The following FGF10 variants were observed in gnomAD, a reference collection of about 807,000 sequenced individuals.
FGF10 encodes the protein fibroblast growth factor 10, also known as FGF-10.
FGF10 carries 2 observed loss-of-function variants against 19.8 expected under a neutral mutation model. That is an observed-to-expected ratio of 0.10 (90% CI 0.04 to 0.32). The LOEUF is 0.32. Among genes scored for constraint, FGF10 ranks in the 10% least tolerant of loss-of-function variants. The probability of loss-of-function intolerance (pLI) is 1.00; values close to 1 mark genes in which losing one functional copy is unlikely to be tolerated. For synonymous variants in FGF10, 112 were observed against 94.0 expected (o/e 1.19, Z -1.10); for missense variants, 191 against 246.3 (o/e 0.78, Z 1.50).
chr5:44,327,079 C>T (rs1740631577), intron 1 of FGF10, among the ~76,000 whole-genome samples: 2 of 152,156 alleles, frequency 1.3e-5, no homozygotes, highest in South Asian at 4.1e-4. Context: ...CCACCCACTG[C>T]CCCAAGTTTT....
At chr5:44,383,475 T>C (rs539655028) in intron 1 of FGF10, among the ~76,000 whole-genome samples, 2 of 152,074 alleles carry the variant, frequency 1.3e-5, no homozygotes, top group Non-Finnish European at 2.9e-5. Flanking sequence ...CTTTAGGTAA[T>C]AGGTTACTGA....
Position 44,304,680 on chromosome 5 carries a change from T to A in FGF10, c.*315A>T, listed in dbSNP as rs970032104. The stretch of plus-strand genomic sequence containing the variant: ...AACAGATTGTTCTATGTCCTTTAAG[T>A]TCTATCTCAGAGGTTTAAAAACAAA... On this transcript the variant is annotated 3_prime_UTR_variant, in exon 3 of 3. Coordinates refer to ENST00000264664, the MANE Select transcript of FGF10 (RefSeq NM_004465.2). The A allele has an allele frequency of 5.8e-6, 2 of 347,650 alleles. No homozygotes were observed. Among genetic ancestry groups the A allele is most frequent in the Non-Finnish European group, 1.1e-5 (2 of 183,770 alleles). The allele number at this position is 347,650 out of a possible 1,614,324, so 21.5% of individuals were successfully genotyped here.
At chr5:44,382,066 G>C (rs555427635) in intron 1 of FGF10, among the ~76,000 whole-genome samples, 1 of 152,302 alleles carries the variant, frequency 6.6e-6, no homozygotes, top group South Asian at 2.1e-4. Flanking sequence ...AAGGTGGACA[G>C]GTTTAGGTTG....
chr5:44,356,655 A>T (rs1579929400), intron 1 of FGF10, among the ~76,000 whole-genome samples: 1 of 151,616 alleles, frequency 6.6e-6, no homozygotes, highest in Middle Eastern at 3.4e-3. Flanking sequence ...TTTATTCAAT[A>T]TAAGAATATT....
intron 1 of FGF10, among the ~76,000 whole-genome samples, chr5:44,325,524 G>T (rs1325786619): frequency 6.6e-6 from 1 of 152,054 alleles, no homozygotes; most frequent in Non-Finnish European, 1.5e-5. Context: ...AAAAAATGTG[G>T]CACATATACA....
chr5:44,313,974 T>C (rs1481284040), intron 1 of FGF10, among the ~76,000 whole-genome samples: 6 of 152,094 alleles, frequency 3.9e-5, no homozygotes, highest in African/African-American at 1.4e-4. Flanking sequence ...ACATGTTACA[T>C]GGCAGTAAGT....
At chr5:44,327,305 G>A (rs1265462448) in intron 1 of FGF10, among the ~76,000 whole-genome samples, 1 of 152,160 alleles carries the variant, frequency 6.6e-6, no homozygotes, top group Non-Finnish European at 1.5e-5. Flanking sequence ...GCTATAGGAA[G>A]AGAACTAATA....
chr5:44,316,115 G>A (rs1022504317), intron 1 of FGF10, among the ~76,000 whole-genome samples: 14 of 152,038 alleles, frequency 9.2e-5, no homozygotes, highest in Non-Finnish European at 1.8e-4. Context: ...ACAGGAGTGC[G>A]AACCCTACTG....
chr5:44,372,140 A>C (rs1211287695), intron 1 of FGF10, among the ~76,000 whole-genome samples: 3 of 152,128 alleles, frequency 2.0e-5, no homozygotes, highest in African/African-American at 4.8e-5. Flanking sequence ...GGCTGAAATT[A>C]AGGTGTTGGC....
Position 44,303,473 on chromosome 5 carries a change from A to T in FGF10, c.*1522T>A, listed in dbSNP as rs1490026146. ...GCAGCATCAATATACTATTATAGTT[A>T]TTGCTTAAAAGTATTTAGAACAAAT... On this transcript the variant is annotated 3_prime_UTR_variant, in exon 3 of 3. Transcript: ENST00000264664. 2.0e-5 allele frequency: 3 copies of T among 152,182 alleles called. No homozygotes were observed. The highest frequency in any genetic ancestry group is 7.2e-5 in the African/African-American group (3 of 41,448). 9.4% of individuals were successfully genotyped at this position (152,182 alleles called of 1,614,324 possible). A position where few individuals can be genotyped will look rare whatever the true frequency, so the allele number is the denominator to read the frequency against.
chr5:44,387,757 C>A (rs1239644040), intron 1 of FGF10, among the ~76,000 whole-genome samples: 2 of 151,920 alleles, frequency 1.3e-5, no homozygotes, highest in Non-Finnish European at 2.9e-5. Context: ...CAAAACAAAA[C>A]AAAACAAAAA....
intron 1 of FGF10, among the ~76,000 whole-genome samples, chr5:44,376,964 G>A (rs1741881258): frequency 6.6e-6 from 1 of 151,836 alleles, no homozygotes; most frequent in African/African-American, 2.4e-5. Flanking sequence ...ATCCGCAAAT[G>A]TAAGGATACA....
chr5:44,341,959 A>G (rs1740980927), intron 1 of FGF10, among the ~76,000 whole-genome samples: 1 of 152,006 alleles, frequency 6.6e-6, no homozygotes. Context: ...CTTTGCAGAA[A>G]TACCATTTGG....
rs1561194514 is a variant in FGF10, at chr5:44,303,951, A to C, written c.*1044T>G. On this transcript the variant is annotated 3_prime_UTR_variant, in exon 3 of 3. Transcript: ENST00000264664. ...TAAATAATGAGGCTAGGCTATTTAA[A>C]TGTATTTAGCAATTAATTTTCCTTT... 6.6e-6 allele frequency: 1 copy of C among 152,108 alleles called. No homozygotes were observed. Among genetic ancestry groups the C allele is most frequent in the Non-Finnish European group, 1.5e-5 (1 of 68,028 alleles). 9.4% of individuals were successfully genotyped at this position (152,108 alleles called of 1,614,324 possible). A position where few individuals can be genotyped will look rare whatever the true frequency, so the allele number is the denominator to read the frequency against.
At chr5:44,332,863 G>C (rs1397613961) in intron 1 of FGF10, among the ~76,000 whole-genome samples, 2 of 152,048 alleles carry the variant, frequency 1.3e-5, no homozygotes, top group Non-Finnish European at 2.9e-5. Context: ...AGGGGAAGGA[G>C]GAGGAGGAGA....
intron 1 of FGF10, among the ~76,000 whole-genome samples, chr5:44,348,568 C>T (rs1741139508): frequency 1.3e-5 from 2 of 151,450 alleles, no homozygotes; most frequent in Non-Finnish European, 3.0e-5. Context: ...GTGGAACTTC[C>T]AGCCTTCCCA....
At chr5:44,333,929 T>C (rs1740791149) in intron 1 of FGF10, among the ~76,000 whole-genome samples, 1 of 152,014 alleles carries the variant, frequency 6.6e-6, no homozygotes, top group Admixed American at 6.6e-5. Context: ...ATCTCTGTTT[T>C]AAGTTTGGTT....
At chr5:44,385,528 T>C (rs1742077927) in intron 1 of FGF10, among the ~76,000 whole-genome samples, 1 of 152,128 alleles carries the variant, frequency 6.6e-6, no homozygotes. Context: ...GCAATAATAC[T>C]AGGGTCAAAA....
chr5:44,336,619 A>C (rs1740859359), intron 1 of FGF10, among the ~76,000 whole-genome samples: 1 of 152,164 alleles, frequency 6.6e-6, no homozygotes, highest in Non-Finnish European at 1.5e-5. Flanking sequence ...GACTTTGGAA[A>C]GCTGGAGTTC....
Sources: gnomAD v4.1 joint callset for allele counts (sites outside exome capture counted in the v4.1 genomes callset) on GRCh38, gnomAD v4.1.1 for gene constraint, MANE v1.5 for transcripts, NCBI Gene and HGNC (gene_info 2026-07-23, HGNC 2026-07-21) for gene names.